SAE1: variants seen among roughly 807,000 people sequenced by gnomAD.
SAE1 encodes the protein SUMO-activating enzyme subunit 1.
In SAE1, 11 loss-of-function variants were observed where a neutral mutation model predicts 40.6. The ratio of observed to expected loss-of-function variants is 0.27; its 90% CI spans 0.17 to 0.45. The LOEUF is 0.45. SAE1 is among the 20% of genes least tolerant of loss of function. The probability of loss-of-function intolerance (pLI) is 1.00; values close to 1 mark genes in which losing one functional copy is unlikely to be tolerated. For missense variants in SAE1, 373 were observed against 427.3 expected (o/e 0.87, Z 1.12); for synonymous variants, 155 against 154.3 (o/e 1.00, Z -0.03).
intron 5 of SAE1, among the ~76,000 whole-genome samples, chr19:47,166,165 T>G (rs924793960): frequency 6.6e-6 from 1 of 152,164 alleles, no homozygotes; most frequent in African/African-American, 2.4e-5. Flanking sequence ...TCTGAATGCT[T>G]AGGCCAGAGA....
chr19:47,135,102 A>G (rs1356508916), intron 1 of SAE1, among the ~76,000 whole-genome samples: 6 of 152,182 alleles, frequency 3.9e-5, no homozygotes, highest in African/African-American at 1.4e-4. Context: ...TGATACAGGC[A>G]TACAATGGGT....
At chr19:47,200,632 C>A (rs1244873396) in intron 7 of SAE1, among the ~76,000 whole-genome samples, 1 of 152,124 alleles carries the variant, frequency 6.6e-6, no homozygotes, top group Non-Finnish European at 1.5e-5. Flanking sequence ...CCTTGGCTTT[C>A]CAAAACTTCT....
intron 1 of SAE1, among the ~76,000 whole-genome samples, chr19:47,136,550 T>C (rs1396669320): frequency 6.8e-6 from 1 of 147,680 alleles, no homozygotes; most frequent in African/African-American, 2.5e-5. Flanking sequence ...GACTGGAGTA[T>C]GGTGGCGTGA....
intron 7 of SAE1, 135 bp from the exon 8 acceptor site, chr19:47,203,536 A>G: frequency 1.4e-6 from 1 of 700,696 alleles, no homozygotes; most frequent in Non-Finnish European, 2.5e-6. Context: ...TGCCAGCATT[A>G]ACACTGCTAT....
intron 6 of SAE1, among the ~76,000 whole-genome samples, chr19:47,194,978 C>G (rs1395936495): frequency 1.3e-5 from 2 of 150,904 alleles, no homozygotes; most frequent in East Asian, 3.9e-4. Flanking sequence ...CTTCTGACCT[C>G]GTGATCTGCC....
At position 47,143,745 on chromosome 19, in the gene SAE1, C is replaced by T. The variant is rs1316250175; in HGVS notation, c.210+140C>T. 4 of 641,740 alleles carry T rather than the reference C, an allele frequency of 6.2e-6. No homozygotes were observed. The East Asian group carries it at 1.1e-4, about 18-fold the overall frequency. The allele number at this position is 641,740 out of a possible 1,614,324, so 39.8% of individuals were successfully genotyped here. A position where few individuals can be genotyped will look rare whatever the true frequency, so the allele number is the denominator to read the frequency against. On this transcript the variant is annotated intron_variant, in intron 2 of 8. Coordinates refer to ENST00000270225, the MANE Select transcript of SAE1 (RefSeq NM_005500.3). ...ATTAATAAACCATTGCCTCTGGAGA[C>T]TGAAGGTGCTATTGTTGGGTTTGAA...
At chr19:47,142,987 GC>G (rs2058231514) in intron 1 of SAE1, among the ~76,000 whole-genome samples, 1 of 152,192 alleles carries the variant, frequency 6.6e-6, no homozygotes, top group Non-Finnish European at 1.5e-5. Context: ...ATAGAAGGAT[GC>G]CTGGCATAGT....
At chr19:47,158,118 T>C (rs539594573) in intron 5 of SAE1, among the ~76,000 whole-genome samples, 1 of 152,238 alleles carries the variant, frequency 6.6e-6, no homozygotes, top group African/African-American at 2.4e-5. Context: ...ACTTCCTGTT[T>C]CCTGTGAAAG....
At chr19:47,188,672 G>A (rs951007692) in intron 6 of SAE1, among the ~76,000 whole-genome samples, 1 of 152,190 alleles carries the variant, frequency 6.6e-6, no homozygotes, top group Non-Finnish European at 1.5e-5. Flanking sequence ...CCCCACAAGT[G>A]CCCTTGGGAT....
At chr19:47,137,907 T>G (rs1327445732) in intron 1 of SAE1, among the ~76,000 whole-genome samples, 1 of 152,020 alleles carries the variant, frequency 6.6e-6, no homozygotes, top group Non-Finnish European at 1.5e-5. Flanking sequence ...TTTTATATTT[T>G]TAGTAGAGAC....
chr19:47,144,775 G>A (rs183267923), intron 2 of SAE1, among the ~76,000 whole-genome samples: 164 of 152,286 alleles, frequency 1.1e-3, no homozygotes, highest in Non-Finnish European at 2.0e-3. Flanking sequence ...GCTTTGTATA[G>A]TGCTTGAACC....
chr19:47,174,666 G>A (rs886930917), intron 6 of SAE1, among the ~76,000 whole-genome samples: 6 of 145,398 alleles, frequency 4.1e-5, no homozygotes, highest in Non-Finnish European at 8.9e-5. Context: ...TCTGCCTCCC[G>A]GGTTCACGCC....
chr19:47,163,124 TACA>T (rs2058369186), intron 5 of SAE1, among the ~76,000 whole-genome samples: 1 of 152,028 alleles, frequency 6.6e-6, no homozygotes, highest in Non-Finnish European at 1.5e-5. Context: ...TCTATGTATA[TACA>T]ACAAAATTGG....
At chr19:47,163,227 TC>T (rs2058369785) in intron 5 of SAE1, among the ~76,000 whole-genome samples, 1 of 150,526 alleles carries the variant, frequency 6.6e-6, no homozygotes, top group Non-Finnish European at 1.5e-5. Flanking sequence ...GGATCAAAAA[TC>T]TTTAGTGTGC....
At chr19:47,201,681 T>C (rs980701744) in intron 7 of SAE1, among the ~76,000 whole-genome samples, 5 of 152,054 alleles carry the variant, frequency 3.3e-5, no homozygotes, top group Non-Finnish European at 5.9e-5. Context: ...TCACCCAGGC[T>C]GGAGTGCAGT....
At chr19:47,182,938 A>G (rs1006141841) in intron 6 of SAE1, among the ~76,000 whole-genome samples, 34 of 151,936 alleles carry the variant, frequency 2.2e-4, no homozygotes, top group African/African-American at 8.2e-4. Flanking sequence ...GTTTTTTTGA[A>G]ACAGTCTCGT....
chr19:47,159,692 T>A (rs922051183), intron 5 of SAE1, among the ~76,000 whole-genome samples: 1 of 152,106 alleles, frequency 6.6e-6, no homozygotes, highest in Non-Finnish European at 1.5e-5. Flanking sequence ...TTTTAATTTT[T>A]AAAAATTATT....
intron 6 of SAE1, among the ~76,000 whole-genome samples, chr19:47,170,577 G>A (rs1205948230): frequency 6.8e-6 from 1 of 147,472 alleles, no homozygotes; most frequent in African/African-American, 2.5e-5. Context: ...CGCTATCATG[G>A]TTCACTGTAG....
rs182412548 is a variant in SAE1, at chr19:47,198,015, A to C, written c.878+638A>C. ...CAGCATCCTCTCACTTGGACACTCCATGCTTTCACCTTACGTGACTACCTT... is the reference window on the plus strand; with the variant it reads ...CAGCATCCTCTCACTTGGACACTCCCTGCTTTCACCTTACGTGACTACCTT... On this transcript the variant is annotated intron_variant, in intron 7 of 8. Coordinates refer to ENST00000270225, the MANE Select transcript of SAE1 (RefSeq NM_005500.3). 5.3e-5 allele frequency among the ~76,000 whole-genome samples: 8 copies of C among 152,288 alleles called. No homozygotes were observed. The East Asian group carries it at 1.5e-3, about 29-fold the overall frequency.
Sources: allele counts gnomAD v4.1 joint callset (sites outside exome capture counted in the v4.1 genomes callset), GRCh38; gene constraint gnomAD v4.1.1; transcripts MANE v1.5; gene names NCBI Gene and HGNC (gene_info 2026-07-23, HGNC 2026-07-21).